The following ZCCHC17 variants were observed in gnomAD, a reference collection of about 807,000 sequenced individuals.
The protein encoded by ZCCHC17 is zinc finger CCHC-type containing 17.
Under a neutral mutation model 30.6 loss-of-function variants are expected in ZCCHC17, and 18 were observed. The observed-to-expected ratio is 0.59, with a 90% CI of 0.41 to 0.87. The LOEUF is 0.87. Ranked by LOEUF, ZCCHC17 falls within the 40% of genes least tolerant of loss-of-function variation. The probability of loss-of-function intolerance (pLI) is 0.00; values close to 1 mark genes in which losing one functional copy is unlikely to be tolerated. For synonymous variants in ZCCHC17, 88 were observed against 92.4 expected, an observed-to-expected ratio of 0.95 and a Z score of 0.27; for missense variants, 263 against 284.2, an observed-to-expected ratio of 0.93 and a Z score of 0.54.
chr1:31,297,881 G>A (rs1646205541), intron 1 of ZCCHC17, among the ~76,000 whole-genome samples: 1 of 152,234 alleles, frequency 6.6e-6, no homozygotes, highest in South Asian at 2.1e-4. Context: ...AGCACAAAGA[G>A]CCAGTGTGGC....
At chr1:31,333,626 C>T (rs1278559248) in intron 3 of ZCCHC17, among the ~76,000 whole-genome samples, 2 of 152,134 alleles carry the variant, frequency 1.3e-5, no homozygotes, top group East Asian at 1.9e-4. Flanking sequence ...CATGGAAATT[C>T]AGTTGTAGCA....
At chr1:31,356,772 A>G (rs1028549912) in intron 7 of ZCCHC17, among the ~76,000 whole-genome samples, 1 of 152,228 alleles carries the variant, frequency 6.6e-6, no homozygotes, top group South Asian at 2.1e-4. Flanking sequence ...TCCAGGATGC[A>G]TTGATTTAGT....
At chr1:31,362,952 C>G (rs1319353921) in intron 7 of ZCCHC17, among the ~76,000 whole-genome samples, 3 of 152,150 alleles carry the variant, frequency 2.0e-5, no homozygotes, top group Admixed American at 6.5e-5. Context: ...ACACTTATTA[C>G]CAGTTTGATG....
intron 7 of ZCCHC17, among the ~76,000 whole-genome samples, chr1:31,361,245 A>G (rs1382939752): frequency 6.6e-6 from 1 of 152,186 alleles, no homozygotes; most frequent in East Asian, 1.9e-4. Context: ...TGGAGATGCC[A>G]AGGAAGAATT....
chr1:31,319,141 CA>C lies in ZCCHC17; in HGVS notation c.103del (p.Ile35SerfsTer26). ...TGGTGACAGACTATGGGGCCTTTAT[CA>C]AAATCCCAGGCTGTCGGAAGCAAGG... ...AMVTDYGAFI[K>X]IPGCRKQGLV... On this transcript the variant is annotated frameshift_variant, in exon 3 of 8. Transcript: ENST00000344147. LOFTEE classifies it high-confidence loss of function. 3 of 1,610,348 alleles carry C rather than the reference CA, an allele frequency of 1.9e-6. No individual in the cohort carries two copies. Among genetic ancestry groups the C allele is most frequent in the Non-Finnish European group, 2.5e-6 (3 of 1,177,234 alleles).
rs1327383184 is a variant in ZCCHC17, at chr1:31,318,237, G to A, written c.67-872G>A. 8.5e-6 allele frequency: 13 copies of A among 1,531,628 alleles called. No individual in the cohort carries two copies. The East Asian group carries it at 9.8e-5, about 12-fold the overall frequency. 94.9% of individuals were successfully genotyped at this position (1,531,628 alleles called of 1,614,324 possible). A position where few individuals can be genotyped will look rare whatever the true frequency, so the allele number is the denominator to read the frequency against. The stretch of plus-strand genomic sequence containing the variant: ...AGACACTGAAAAGAATAAAGTTTAT[G>A]TATGTAAGATTATATTGAATATTTT... On this transcript the variant is annotated intron_variant, in intron 2 of 7. Transcript: ENST00000344147.
At chr1:31,304,261 T>C (rs1490187013) in intron 1 of ZCCHC17, among the ~76,000 whole-genome samples, 2 of 147,806 alleles carry the variant, frequency 1.4e-5, no homozygotes, top group Non-Finnish European at 3.0e-5. Flanking sequence ...TCTATCTTAA[T>C]GTTATATACT....
At position 31,364,338 on chromosome 1, in the gene ZCCHC17, A is replaced by G; in HGVS notation, c.*145A>G. 7.1e-7 allele frequency: 1 copy of G among 1,403,220 alleles called. No homozygotes were observed. The highest frequency in any genetic ancestry group is 2.9e-5 in the Admixed American group (1 of 34,956). 86.9% of individuals were successfully genotyped at this position (1,403,220 alleles called of 1,614,324 possible). A position where few individuals can be genotyped will look rare whatever the true frequency, so the allele number is the denominator to read the frequency against. On this transcript the variant is annotated 3_prime_UTR_variant, in exon 8 of 8. Coordinates refer to ENST00000344147, the MANE Select transcript of ZCCHC17 (RefSeq NM_016505.4). ...GGGAGATGGCTTCCCCTCATGCAAC[A>G]GGCAGGTTTGGGAGTTAGAGGTCAA...
At chr1:31,323,514 G>C (rs577455871) in intron 3 of ZCCHC17, among the ~76,000 whole-genome samples, 3 of 152,012 alleles carry the variant, frequency 2.0e-5, no homozygotes, top group Admixed American at 6.6e-5. Context: ...GTAGAGTCAG[G>C]GTTTCACCGT....
intron 1 of ZCCHC17, among the ~76,000 whole-genome samples, chr1:31,307,413 T>C (rs889355248): frequency 2.1e-5 from 3 of 139,898 alleles, no homozygotes; most frequent in Non-Finnish European, 4.8e-5. Flanking sequence ...TGCTTTAGAC[T>C]TTTTTTTTTT....
intron 7 of ZCCHC17, among the ~76,000 whole-genome samples, chr1:31,360,336 A>G (rs1639829788): frequency 1.3e-5 from 2 of 152,120 alleles, no homozygotes; most frequent in Admixed American, 1.3e-4. Context: ...CGCCCAGCTA[A>G]TTTTGTATTT....
chr1:31,315,426 C>T (rs1646709692), intron 2 of ZCCHC17, among the ~76,000 whole-genome samples: 1 of 152,106 alleles, frequency 6.6e-6, no homozygotes, highest in African/African-American at 2.4e-5. Context: ...CTCTGAGAAG[C>T]ATGTTGGTAG....
intron 5 of ZCCHC17, among the ~76,000 whole-genome samples, chr1:31,341,908 T>C (rs566177246): frequency 6.6e-6 from 1 of 152,302 alleles, no homozygotes; most frequent in Admixed American, 6.5e-5. Flanking sequence ...ATATCTGAGA[T>C]TATAGCACCT....
At chr1:31,361,690 A>G (rs1437613813) in intron 7 of ZCCHC17, among the ~76,000 whole-genome samples, 1 of 152,226 alleles carries the variant, frequency 6.6e-6, no homozygotes, top group Non-Finnish European at 1.5e-5. Context: ...AACTGCGCCT[A>G]TGCGATCTGG....
At chr1:31,359,000 G>A (rs1485897054) in intron 7 of ZCCHC17, among the ~76,000 whole-genome samples, 1 of 152,160 alleles carries the variant, frequency 6.6e-6, no homozygotes, top group Non-Finnish European at 1.5e-5. Context: ...AAAAGTAAGA[G>A]AATGTAAAAT....
intron 2 of ZCCHC17, among the ~76,000 whole-genome samples, chr1:31,312,883 C>T (rs1342557136): frequency 6.6e-6 from 1 of 151,968 alleles, no homozygotes; most frequent in Non-Finnish European, 1.5e-5. Context: ...AGCAATTCTC[C>T]TGCCTCAGCC....
chr1:31,353,003 G>T (rs1467703846), intron 7 of ZCCHC17, among the ~76,000 whole-genome samples: 1 of 152,150 alleles, frequency 6.6e-6, no homozygotes, highest in East Asian at 1.9e-4. Flanking sequence ...GGGTTCAAGT[G>T]TCACTACATC....
chr1:31,308,438 A>G (rs1284759171), intron 1 of ZCCHC17, among the ~76,000 whole-genome samples: 1 of 152,260 alleles, frequency 6.6e-6, no homozygotes, highest in Non-Finnish European at 1.5e-5. Flanking sequence ...AATCGGGAAT[A>G]CTTACCAAAA....
intron 1 of ZCCHC17, among the ~76,000 whole-genome samples, chr1:31,309,631 G>A (rs1262138632): frequency 1.3e-5 from 2 of 152,114 alleles, no homozygotes; most frequent in Non-Finnish European, 1.5e-5. Flanking sequence ...AGAATTAAAC[G>A]AGATTGCATG....
Sources: gnomAD v4.1 joint callset for allele counts (sites outside exome capture counted in the v4.1 genomes callset) on GRCh38, gnomAD v4.1.1 for gene constraint, MANE v1.5 for transcripts, NCBI Gene and HGNC (gene_info 2026-07-23, HGNC 2026-07-21) for gene names.